CFAP96: variants seen among roughly 807,000 people sequenced by gnomAD.
The protein encoded by CFAP96 is cilia and flagella associated protein 96, also known as cilia-and flagella-associated protein 96.
chr4:185,443,342 A>ATATATATATATATATATTTTTT, the CFAP96 span, among the ~76,000 whole-genome samples: 2 of 26,724 alleles, frequency 7.5e-5, no homozygotes, highest in African/African-American at 1.2e-4. Context: ...ATATATATAT[A>ATATATATATATATATATTTTTT]TTTTTTTTTT....
chr4:185,448,426 A>G, the CFAP96 span, among the ~76,000 whole-genome samples: 2 of 152,272 alleles, frequency 1.3e-5, no homozygotes, highest in African/African-American at 4.8e-5. Context: ...TGCATATTTT[A>G]TCTACTCTTT....
chr4:185,434,257 TTTC>T, the CFAP96 span, among the ~76,000 whole-genome samples: 3 of 152,130 alleles, frequency 2.0e-5, no homozygotes, highest in Admixed American at 6.6e-5. Flanking sequence ...GAGTGAGGGT[TTTC>T]TTCTTTAATT....
chr4:185,445,338 C>T, the CFAP96 span: 1 of 721,142 alleles, frequency 1.4e-6, no homozygotes, highest in Admixed American at 2.9e-5. Flanking sequence ...GCTGAGAAAG[C>T]TTAAGTTATC....
chr4:185,438,268 A>C, the CFAP96 span, among the ~76,000 whole-genome samples: 1 of 151,908 alleles, frequency 6.6e-6, no homozygotes, highest in South Asian at 2.1e-4. Context: ...CTATTAACTT[A>C]AAAAAAAGTC....
chr4:185,413,682 C>T, the CFAP96 span: 2 of 1,559,932 alleles, frequency 1.3e-6, no homozygotes, highest in South Asian at 2.4e-5. Flanking sequence ...CAACTAATAA[C>T]ATTACTGATC....
chr4:185,431,962 T>C, the CFAP96 span: 246 of 1,509,848 alleles, frequency 1.6e-4, 1 homozygote, highest in South Asian at 2.9e-3. Flanking sequence ...AATTATAATA[T>C]GCCTAATTTA....
chr4:185,440,316 A>G, the CFAP96 span, among the ~76,000 whole-genome samples: 1 of 152,218 alleles, frequency 6.6e-6, no homozygotes, highest in African/African-American at 2.4e-5. Flanking sequence ...AGTATCGCAA[A>G]TAAATTTGTA....
the CFAP96 span, among the ~76,000 whole-genome samples, chr4:185,436,737 A>AATAATAATAAT: frequency 6.7e-6 from 1 of 149,366 alleles, no homozygotes; most frequent in Non-Finnish European, 1.5e-5. Context: ...TAATAATAAT[A>AATAATAATAAT]ATAATAATTC....
the CFAP96 span, among the ~76,000 whole-genome samples, chr4:185,449,134 T>C: frequency 6.6e-6 from 1 of 152,168 alleles, no homozygotes; most frequent in Non-Finnish European, 1.5e-5. Flanking sequence ...TAAAATGAAG[T>C]GTTTTAAGTT....
chr4:185,448,528 C>T, the CFAP96 span, among the ~76,000 whole-genome samples: 1 of 152,124 alleles, frequency 6.6e-6, no homozygotes. Flanking sequence ...AAAAACTGAT[C>T]TATGTCACTG....
At chr4:185,439,336 G>A in the CFAP96 span, among the ~76,000 whole-genome samples, 1 of 152,156 alleles carries the variant, frequency 6.6e-6, no homozygotes, top group African/African-American at 2.4e-5. Context: ...AAGAATGAAT[G>A]AATGTCCTAC....
At chr4:185,440,497 T>G in the CFAP96 span, 4 of 1,244,112 alleles carry the variant, frequency 3.2e-6, no homozygotes, top group Non-Finnish European at 4.4e-6. Context: ...ATTTTCAATT[T>G]GTGAAATTTG....
the CFAP96 span, among the ~76,000 whole-genome samples, chr4:185,420,178 G>A: frequency 2.9e-4 from 1 of 3,418 alleles, no homozygotes; most frequent in Non-Finnish European, 1.3e-3. Flanking sequence ...CTAAAGTCAC[G>A]GTTGGTTTTT....
chr4:185,417,052 C>T, the CFAP96 span, among the ~76,000 whole-genome samples: 436 of 152,256 alleles, frequency 2.9e-3, 1 homozygote, highest in Non-Finnish European at 4.4e-3. Context: ...AAAAATAGTA[C>T]CTTTACCATG....
the CFAP96 span, chr4:185,436,319 A>T: frequency 6.4e-7 from 1 of 1,551,170 alleles, no homozygotes; most frequent in Non-Finnish European, 8.7e-7. Flanking sequence ...CAGTTTTCAC[A>T]CTCTGCCGAC....
chr4:185,442,864 A>G, the CFAP96 span, among the ~76,000 whole-genome samples: 23,116 of 152,100 alleles, frequency 0.15, 2,924 homozygotes, highest in African/African-American at 0.34. Context: ...TATTTCCTGA[A>G]ATGAATCTCA....
chr4:185,412,175 TGTAAA>T, the CFAP96 span, among the ~76,000 whole-genome samples: 3 of 152,218 alleles, frequency 2.0e-5, no homozygotes, highest in Admixed American at 2.0e-4. Context: ...ATGATAAATA[TGTAAA>T]GTATATATTT....
At chr4:185,444,303 C>T in the CFAP96 span, among the ~76,000 whole-genome samples, 1 of 152,064 alleles carries the variant, frequency 6.6e-6, no homozygotes. Context: ...ATAGATACTA[C>T]AAGAAAAGGT....
the CFAP96 span, chr4:185,413,665 C>T: frequency 6.7e-7 from 1 of 1,502,702 alleles, no homozygotes. Context: ...TGGGTACCAA[C>T]AAAAAACAAC....
Sources: gnomAD v4.1 joint callset for allele counts (sites outside exome capture counted in the v4.1 genomes callset) on GRCh38, gnomAD v4.1.1 for gene constraint, MANE v1.5 for transcripts, NCBI Gene and HGNC (gene_info 2026-07-23, HGNC 2026-07-21) for gene names.